Variants in TMEM33 observed in about 807,000 individuals in gnomAD.
TMEM33 encodes transmembrane protein 33.
In TMEM33, 16 loss-of-function variants were observed where a neutral mutation model predicts 29.7. The ratio of observed to expected loss-of-function variants is 0.54; its 90% confidence interval spans 0.36 to 0.82. TMEM33 has a LOEUF of 0.82. Among genes scored for constraint, TMEM33 ranks in the 40% least tolerant of loss-of-function variants. TMEM33 has a pLI of 0.00. For missense variants in TMEM33, 252 were observed against 295.3 expected (o/e 0.85, Z 1.08); for synonymous variants, 112 against 109.4 (o/e 1.02, Z -0.15).
rs555648618 is a variant in TMEM33 at position 41,958,383 on chromosome 4, G to A, written c.*4184G>A. On this transcript the variant is annotated 3_prime_UTR_variant, in exon 7 of 7. Transcript: ENST00000504986. Reference sequence around the variant, plus strand: ...GCTTTCTAGGAAAACAGTAAAATAGGCCACAATTTGGAGTGACACCATTCA... The same window carrying A: ...GCTTTCTAGGAAAACAGTAAAATAGACCACAATTTGGAGTGACACCATTCA... 2.0e-5 allele frequency: 3 copies of A among 152,154 alleles called. No individual in the cohort carries two copies. Among genetic ancestry groups the A allele is most frequent in the African/African-American group, 7.2e-5 (3 of 41,506 alleles). 9.4% of individuals were successfully genotyped at this position (152,154 alleles called of 1,614,324 possible).
intron 1 of TMEM33, among the ~76,000 whole-genome samples, chr4:41,936,201 T>C (rs1465507345): frequency 5.3e-5 from 8 of 152,224 alleles, no homozygotes; most frequent in Non-Finnish European, 1.2e-4. Context: ...ATTTCCATAA[T>C]TGTCCTTTAA....
At chr4:41,938,836 C>A in intron 2 of TMEM33, 140 bp downstream of exon 2, 1 of 710,640 alleles carries the variant, frequency 1.4e-6, no homozygotes, top group Non-Finnish European at 2.4e-6. Flanking sequence ...CAGGTACTAA[C>A]AACCTAATAA....
intron 6 of TMEM33, chr4:41,953,740 T>C: frequency 2.2e-6 from 1 of 460,254 alleles, no homozygotes; most frequent in Non-Finnish European, 4.3e-6. Context: ...CATGAACTGC[T>C]TCATCTTATA....
At position 41,943,765 on chromosome 4, in the gene TMEM33, T is replaced by C; in HGVS notation, c.347T>C (p.Leu116Ser). 6.2e-7 allele frequency: 1 copy of C among 1,613,948 alleles called. No homozygotes were observed. The highest frequency in any genetic ancestry group is 8.5e-7 in the Non-Finnish European group (1 of 1,179,942). Residue 116 changes from leucine (L) to serine (S), a missense_variant, in exon 4 of 7, where the codon TTG (leucine) becomes TCG (serine). Physicochemically the swap from Leu to Ser is moderately radical, Grantham distance 145 (BLOSUM62 -2). Coordinates refer to ENST00000504986, the MANE Select transcript of TMEM33 (RefSeq NM_018126.3). Reference sequence around the variant, plus strand: ...TCTTTAGTGAGTATCTTCCCAGTCTTGTTATTCTCTTTGCTTCATGCTGCC... The same window carrying C: ...TCTTTAGTGAGTATCTTCCCAGTCTCGTTATTCTCTTTGCTTCATGCTGCC... Reference protein sequence around the residue: ...YPVTMSIFPVLLFSLLHAATY... With the variant: ...YPVTMSIFPVSLFSLLHAATY...
intron 2 of TMEM33, 96 bp from the exon 3 acceptor site, chr4:41,939,099 AT>A (rs1712390388): frequency 8.1e-7 from 1 of 1,229,338 alleles, no homozygotes; most frequent in Non-Finnish European, 1.1e-6. Context: ...TTGACAAGTG[AT>A]TTAGGTGTTG....
rs779461119 is a variant in TMEM33 at position 41,939,338 on chromosome 4, T to C, written c.283T>C (p.Tyr95His). The change falls in exon 3 of 7, where the codon TAC (tyrosine) becomes CAC (histidine). Residue 95 changes from tyrosine (Y) to histidine (H), a missense_variant. Tyr to His is a moderately conservative substitution (Grantham distance 83). Transcript: ENST00000504986. Reference protein sequence around the residue: ...AQALLEDSCHYLLYSLIFVNS... With the variant: ...AQALLEDSCHHLLYSLIFVNS... The stretch of plus-strand genomic sequence containing the variant: ...GGCTTTGTTAGAGGACAGCTGCCAC[T>C]ACCTGTTGTATTCACTCATCTTTGT... The C allele has an allele frequency of 6.2e-7, 1 of 1,613,708 alleles. No homozygotes were observed. Among genetic ancestry groups the C allele is most frequent in the East Asian group, 2.2e-5 (1 of 44,884 alleles).
At chr4:41,951,124 C>T (rs1449141892) in intron 6 of TMEM33, among the ~76,000 whole-genome samples, 1 of 152,184 alleles carries the variant, frequency 6.6e-6, no homozygotes, top group African/African-American at 2.4e-5. Flanking sequence ...TTTTCACCTA[C>T]GATATTTATT....
At chr4:41,941,247 A>T in intron 3 of TMEM33, among the ~76,000 whole-genome samples, 1 of 152,238 alleles carries the variant, frequency 6.6e-6, no homozygotes, top group East Asian at 1.9e-4. Context: ...ACTATACTAC[A>T]ACTGTAAATG....
At chr4:41,938,779 T>A in intron 2 of TMEM33, 83 bp downstream of exon 2, 1 of 1,313,830 alleles carries the variant, frequency 7.6e-7, no homozygotes, top group Non-Finnish European at 1.1e-6. Context: ...TAAGACTTAT[T>A]AACCTGTAAA....
intron 6 of TMEM33, 46 bp downstream of exon 6, chr4:41,949,431 T>G (rs1336954376): frequency 2.1e-6 from 3 of 1,437,658 alleles, no homozygotes; most frequent in Non-Finnish European, 2.9e-6. Flanking sequence ...TTGAGAGTAT[T>G]GTGAATATAT....
At chr4:41,937,319 A>C (rs1420442552) in intron 1 of TMEM33, among the ~76,000 whole-genome samples, 1 of 152,172 alleles carries the variant, frequency 6.6e-6, no homozygotes, top group Non-Finnish European at 1.5e-5. Flanking sequence ...CCTTCACTTG[A>C]TTACTGCTAA....
At chr4:41,952,507 A>G (rs1318255530) in intron 6 of TMEM33, among the ~76,000 whole-genome samples, 3 of 152,230 alleles carry the variant, frequency 2.0e-5, no homozygotes, top group Admixed American at 2.0e-4. Context: ...TGTGTATACT[A>G]GCCTGTATAA....
chr4:41,938,439 A>G (rs546900248), intron 1 of TMEM33, among the ~76,000 whole-genome samples, 163 bp from the exon 2 acceptor site: 1 of 152,358 alleles, frequency 6.6e-6, no homozygotes, highest in Admixed American at 6.5e-5. Context: ...CATTAAGCAT[A>G]TACATGAAAC....
intron 6 of TMEM33, among the ~76,000 whole-genome samples, chr4:41,952,333 T>C (rs1713076476): frequency 6.6e-6 from 1 of 152,168 alleles, no homozygotes. Flanking sequence ...GATTTGTTGC[T>C]TTTTTTCTAA....
chr4:41,940,854 G>A (rs945960190), intron 3 of TMEM33, among the ~76,000 whole-genome samples: 3 of 146,976 alleles, frequency 2.0e-5, no homozygotes, highest in Admixed American at 6.8e-5. Flanking sequence ...AATCTTTGTA[G>A]CACTCTGAAA....
At chr4:41,939,906 G>A (rs1359547727) in intron 3 of TMEM33, 6 of 401,866 alleles carry the variant, frequency 1.5e-5, no homozygotes, top group South Asian at 3.6e-5. Context: ...TGGATAATCC[G>A]TGAAGCTAAT....
intron 3 of TMEM33, among the ~76,000 whole-genome samples, chr4:41,940,871 G>A (rs1712511791): frequency 2.0e-5 from 3 of 148,674 alleles, no homozygotes; most frequent in East Asian, 4.0e-4. Flanking sequence ...GAAAAAAATT[G>A]TTGTGGTATA....
Position 41,960,453 on chromosome 4 carries a change from A to G in TMEM33, c.*6254A>G, listed in dbSNP as rs891186844. On this transcript the variant is annotated 3_prime_UTR_variant, in exon 7 of 7. Transcript: ENST00000504986. ...TCACTGTATATGCTTTGTATGTCTAATATTTATTTCAATGCAAATTCAATT... is the reference window on the plus strand; with the variant it reads ...TCACTGTATATGCTTTGTATGTCTAGTATTTATTTCAATGCAAATTCAATT... 2.0e-5 allele frequency: 3 copies of G among 152,192 alleles called. No homozygotes were observed. The highest frequency in any genetic ancestry group is 7.2e-5 in the African/African-American group (3 of 41,466). 9.4% of individuals were successfully genotyped at this position (152,192 alleles called of 1,614,324 possible).
chr4:41,952,739 A>G (rs1713096458), intron 6 of TMEM33, among the ~76,000 whole-genome samples: 1 of 152,152 alleles, frequency 6.6e-6, no homozygotes, highest in Non-Finnish European at 1.5e-5. Context: ...CGGAAGGCAT[A>G]AAAGAGTCAT....
Sources: allele counts gnomAD v4.1 joint callset (sites outside exome capture counted in the v4.1 genomes callset), GRCh38; gene constraint gnomAD v4.1.1; transcripts MANE v1.5; gene names NCBI Gene and HGNC (gene_info 2026-07-23, HGNC 2026-07-21).